Variants in CPM observed in about 807,000 individuals in gnomAD.
CPM encodes the protein renal carboxypeptidase.
In CPM, 35 loss-of-function variants were observed where a neutral mutation model predicts 46.4. The ratio of observed to expected loss-of-function variants is 0.75; its 90% CI spans 0.58 to 1.00. The LOEUF is 1.00. Ranked by LOEUF, CPM falls within the 50% of genes least tolerant of loss-of-function variation. The pLI, the probability that CPM is intolerant of heterozygous loss-of-function variation, is 0.00. For missense variants in CPM, 422 were observed against 530.4 expected (o/e 0.80, Z 2.01); for synonymous variants, 195 against 195.3 (o/e 1.00, Z 0.01).
chr12:68,842,456 A>C, intron 5 of CPM: 1 of 427,640 alleles, frequency 2.3e-6, no homozygotes, highest in East Asian at 5.0e-5. Flanking sequence ...TAGAACCTCT[A>C]AATTATTGAC....
rs869087872 is a variant in CPM, at chr12:68,923,160, AGTGTGTGTGT to A, written c.160+9508_160+9517del. On this transcript the variant is annotated intron_variant, in intron 2 of 8. Coordinates refer to ENST00000551568, the MANE Select transcript of CPM (RefSeq NM_198320.5). ...AAATGCATGTTGGTATTTGATATAGAGTGTGTGTGTGTGTGTGTGTGTGTGTGTGTGTGTG... is the reference window on the plus strand; with the variant it reads ...AAATGCATGTTGGTATTTGATATAGAGTGTGTGTGTGTGTGTGTGTGTGTG... 6.5e-3 allele frequency among the ~76,000 whole-genome samples: 298 copies of A among 45,700 alleles called. 2 individuals carry two copies. Among genetic ancestry groups the A allele is most frequent in the South Asian group, 6.1e-3 (8 of 1,318 alleles). The allele number at this position is 45,700 out of a possible 152,430, so 30.0% of individuals were successfully genotyped here. A position where few individuals can be genotyped will look rare whatever the true frequency, so the allele number is the denominator to read the frequency against.
At chr12:68,903,212 G>A (rs187753265) in intron 2 of CPM, among the ~76,000 whole-genome samples, 13 of 152,232 alleles carry the variant, frequency 8.5e-5, no homozygotes, top group South Asian at 2.1e-4. Context: ...ATTTACAGTC[G>A]GCTGATCACA....
chr12:68,870,895 C>T (rs917115232), intron 4 of CPM, among the ~76,000 whole-genome samples: 2 of 152,042 alleles, frequency 1.3e-5, no homozygotes, highest in South Asian at 2.1e-4. Flanking sequence ...TGGGGTGGTT[C>T]GTTAAGTAGC....
chr12:68,950,823 T>C (rs1888921909), intron 1 of CPM, among the ~76,000 whole-genome samples: 1 of 152,204 alleles, frequency 6.6e-6, no homozygotes. Context: ...CCATCATGGG[T>C]TCCAGTCTGT....
At chr12:68,872,238 G>A (rs918115596) in intron 3 of CPM, among the ~76,000 whole-genome samples, 1 of 147,216 alleles carries the variant, frequency 6.8e-6, no homozygotes, top group African/African-American at 2.5e-5. Flanking sequence ...TAATGCTGCT[G>A]CTGCTGCTGC....
chr12:68,875,754 C>T (rs373443307), intron 3 of CPM, among the ~76,000 whole-genome samples: 28 of 147,202 alleles, frequency 1.9e-4, no homozygotes, highest in African/African-American at 6.9e-4. Flanking sequence ...TGCAGTGAGC[C>T]GAGATTATAC....
At chr12:68,914,478 G>C (rs753891433) in intron 2 of CPM, among the ~76,000 whole-genome samples, 3 of 152,154 alleles carry the variant, frequency 2.0e-5, no homozygotes, top group Non-Finnish European at 2.9e-5. Context: ...ATGAGACCAG[G>C]ATACGTTCCC....
At chr12:68,888,127 T>C (rs925047463) in intron 2 of CPM, among the ~76,000 whole-genome samples, 3 of 152,232 alleles carry the variant, frequency 2.0e-5, no homozygotes, top group Non-Finnish European at 4.4e-5. Context: ...ATACAGAATA[T>C]GATCTAGTTC....
intron 2 of CPM, among the ~76,000 whole-genome samples, chr12:68,890,142 T>C (rs1236610569): frequency 6.6e-6 from 1 of 152,048 alleles, no homozygotes; most frequent in Non-Finnish European, 1.5e-5. Context: ...GAGACTGAGG[T>C]GCAAGGATCC....
intron 1 of CPM, among the ~76,000 whole-genome samples, chr12:68,953,146 C>T (rs551916372): frequency 6.6e-6 from 1 of 152,340 alleles, no homozygotes; most frequent in African/African-American, 2.4e-5. Flanking sequence ...ATACCCATTG[C>T]TCCTACGGAA....
intron 2 of CPM, among the ~76,000 whole-genome samples, chr12:68,917,268 G>A (rs182989880): frequency 3.5e-4 from 53 of 152,032 alleles, no homozygotes; most frequent in Admixed American, 2.6e-3. Context: ...TCATATTCTC[G>A]CACACAGCTA....
intron 2 of CPM, among the ~76,000 whole-genome samples, chr12:68,897,037 A>G (rs945291250): frequency 2.6e-5 from 4 of 152,164 alleles, no homozygotes; most frequent in African/African-American, 9.6e-5. Flanking sequence ...ACTAACCATC[A>G]ACAAAAAACA....
chr12:68,895,307 G>A lies in CPM; in HGVS notation c.161-9418C>T, dbSNP rs1189014987. On this transcript the variant is annotated intron_variant, in intron 2 of 8. Transcript: ENST00000551568. Reference sequence around the variant, plus strand: ...GTACCACTTCTGGGCAGAGCTTTAAGGGCTGATGCATGATTTGCCATCTCC... The same window carrying A: ...GTACCACTTCTGGGCAGAGCTTTAAAGGCTGATGCATGATTTGCCATCTCC... Among the ~76,000 whole-genome samples the A allele has an allele frequency of 7.4e-4, 112 of 152,114 alleles. 1 individual carries two copies. Among genetic ancestry groups the A allele is most frequent in the Admixed American group, 7.0e-3 (107 of 15,268 alleles).
intron 5 of CPM, chr12:68,843,711 C>G (rs1184691651): frequency 4.5e-6 from 1 of 221,422 alleles, no homozygotes; most frequent in African/African-American, 2.4e-5. Flanking sequence ...CTCTCTCTCT[C>G]TCTCTGTCTG....
At chr12:68,925,141 TGTAA>T (rs922970124) in intron 2 of CPM, among the ~76,000 whole-genome samples, 11 of 152,322 alleles carry the variant, frequency 7.2e-5, no homozygotes, top group Admixed American at 7.2e-4. Context: ...TTATGACTAG[TGTAA>T]GTTTTAGAAG....
chr12:68,935,546 C>T (rs1360981192), upstream of CPM, among the ~76,000 whole-genome samples: 1 of 152,128 alleles, frequency 6.6e-6, no homozygotes, highest in Non-Finnish European at 1.5e-5. Context: ...CTGCCTCAGC[C>T]TCCCAAAGTG....
chr12:68,846,454 A>C (rs988553040), downstream of CPM: 1 of 152,120 alleles, frequency 6.6e-6, no homozygotes, highest in Admixed American at 6.6e-5. Context: ...CTCAGGGTTA[A>C]ATTTTAGCGC....
At chr12:68,847,120 T>C (rs1884347852), downstream of CPM, 2 of 141,794 alleles carry the variant, frequency 1.4e-5, no homozygotes, top group African/African-American at 5.3e-5. Flanking sequence ...GGCTAATATA[T>C]ATATTATATA....
upstream of CPM, among the ~76,000 whole-genome samples, chr12:68,933,415 C>T (rs186007548): frequency 4.4e-3 from 666 of 152,252 alleles, 4 homozygotes; most frequent in Non-Finnish European, 7.5e-3. Context: ...AGTCGCCGCT[C>T]GCGGACAGTC....
Sources: gnomAD v4.1 joint callset for allele counts (sites outside exome capture counted in the v4.1 genomes callset) on GRCh38, gnomAD v4.1.1 for gene constraint, MANE v1.5 for transcripts, NCBI Gene and HGNC (gene_info 2026-07-23, HGNC 2026-07-21) for gene names.